NPTN: variants seen among roughly 807,000 people sequenced by gnomAD.
The protein encoded by NPTN is neuroplastin.
NPTN carries 5 observed loss-of-function variants against 42.7 expected under a neutral mutation model. The observed-to-expected ratio is 0.12, with a 90% CI of 0.06 to 0.25. The LOEUF (loss-of-function observed/expected upper bound fraction) is 0.25. Ranked by LOEUF, NPTN falls within the 10% of genes least tolerant of loss-of-function variation. The pLI is 1.00. For synonymous variants in NPTN, 180 were observed against 201.9 expected (o/e 0.89, Z 0.92); for missense variants, 307 against 525.4 (o/e 0.58, Z 4.06).
intron 6 of NPTN, chr15:73,563,663 T>A: frequency 1.5e-6 from 1 of 668,352 alleles, no homozygotes; most frequent in Non-Finnish European, 1.9e-6. Flanking sequence ...TGCATGCAGT[T>A]TTGGCTCAAT....
intron 4 of NPTN, among the ~76,000 whole-genome samples, chr15:73,575,170 A>G (rs1289952736): frequency 6.6e-6 from 1 of 152,112 alleles, no homozygotes; most frequent in Non-Finnish European, 1.5e-5. Context: ...TTTAGGAGAG[A>G]TGGGGTTTCA....
chr15:73,596,953 G>T (rs1896861882), intron 2 of NPTN, 69 bp downstream of exon 2: 1 of 1,268,600 alleles, frequency 7.9e-7, no homozygotes, highest in Non-Finnish European at 1.1e-6. Flanking sequence ...GGGAAAGGAT[G>T]CAGAAGGGAA....
In NPTN at chr15:73,633,272, AAGGGAGGGGAGGG is replaced by A; in HGVS notation, c.-70_-58del. The A allele has an allele frequency of 1.2e-6, 1 of 862,838 alleles. No homozygotes were observed. Among genetic ancestry groups the A allele is most frequent in the South Asian group, 1.8e-5 (1 of 55,220 alleles). 53.4% of individuals were successfully genotyped at this position (862,838 alleles called of 1,614,324 possible). On this transcript the variant is annotated 5_prime_UTR_variant, in exon 1 of 9. Coordinates refer to ENST00000345330, the MANE Select transcript of NPTN (RefSeq NM_012428.4). The stretch of plus-strand genomic sequence containing the variant: ...GCCGGGGCCAGAGCCGGGGCCGGGG[AAGGGAGGGGAGGG>A]AGGGAGGGGGCGGGCGAGTGCGCGA...
intron 4 of NPTN, among the ~76,000 whole-genome samples, chr15:73,586,919 A>G (rs1421936437): frequency 6.6e-6 from 1 of 152,214 alleles, no homozygotes; most frequent in Non-Finnish European, 1.5e-5. Flanking sequence ...ATAACTTAGG[A>G]AAGCTGAAAT....
chr15:73,567,388 T>C (rs1895090793), intron 6 of NPTN: 1 of 985,310 alleles, frequency 1.0e-6, no homozygotes, highest in African/African-American at 1.7e-5. Flanking sequence ...GGTTATCTGA[T>C]AGGTAAACAC....
rs1397419867 is a variant in NPTN at position 73,597,652 on chromosome 15, A to AT, written c.92-284dup. ...GGCAGAAGCAAGCCCACTGGAAAGCATTTTAGCAATGGGCCCAGCTGGTAG... is the reference window on the plus strand; with the variant it reads ...GGCAGAAGCAAGCCCACTGGAAAGCATTTTTAGCAATGGGCCCAGCTGGTAG... On this transcript the variant is annotated intron_variant, in intron 1 of 8. Coordinates refer to ENST00000345330, the MANE Select transcript of NPTN (RefSeq NM_012428.4). The surrounding 1 kb of genome is among the most constrained non-coding windows in gnomAD (Gnocchi z 6.3). Among the ~76,000 whole-genome samples the AT allele has an allele frequency of 1.3e-5, 2 of 152,224 alleles. No homozygotes were observed. Among genetic ancestry groups the AT allele is most frequent in the African/African-American group, 4.8e-5 (2 of 41,464 alleles).
chr15:73,608,942 T>C (rs1897419037), intron 1 of NPTN, among the ~76,000 whole-genome samples: 1 of 152,042 alleles, frequency 6.6e-6, no homozygotes, highest in African/African-American at 2.4e-5. Flanking sequence ...AAAATAAGGA[T>C]CTGATATGCA....
intron 1 of NPTN, among the ~76,000 whole-genome samples, chr15:73,606,747 C>T (rs958532263): frequency 5.3e-5 from 8 of 152,182 alleles, no homozygotes; most frequent in Admixed American, 2.0e-4. Context: ...CTCCAGTTAG[C>T]ATTAAAGCCA....
rs774304183 is a variant in NPTN, at chr15:73,578,511, G to A, written c.707-4716C>T. Among the ~76,000 whole-genome samples, 11 of 152,322 alleles carry A rather than the reference G, an allele frequency of 7.2e-5. No homozygotes were observed. In the South Asian group the frequency reaches 1.5e-3, roughly 20 times the overall value. Reference sequence around the variant, plus strand: ...GAGTCAAGGATGACACCAAGGTTTTGGCCTGTGTAACTGTGAGAATGGAGT... The same window carrying A: ...GAGTCAAGGATGACACCAAGGTTTTAGCCTGTGTAACTGTGAGAATGGAGT... On this transcript the variant is annotated intron_variant, in intron 4 of 8. Coordinates refer to ENST00000345330, the MANE Select transcript of NPTN (RefSeq NM_012428.4).
intron 1 of NPTN, among the ~76,000 whole-genome samples, chr15:73,609,939 G>A (rs1045307697): frequency 1.4e-4 from 22 of 152,098 alleles, no homozygotes; most frequent in African/African-American, 5.3e-4. Context: ...ATGAAAGTAT[G>A]TATTACTGTT....
At chr15:73,589,232 C>T (rs1161789330) in intron 3 of NPTN, among the ~76,000 whole-genome samples, 3 of 151,732 alleles carry the variant, frequency 2.0e-5, no homozygotes, top group Admixed American at 6.6e-5. Flanking sequence ...CGGGAGGCTA[C>T]GAGGTGGGAG....
rs772863762 is a variant in NPTN at position 73,597,029 on chromosome 15, G to A, written c.432C>T (p.Val144=). The A allele has an allele frequency of 1.4e-5, 23 of 1,613,514 alleles. No individual in the cohort carries two copies. Among genetic ancestry groups the A allele is most frequent in the Non-Finnish European group, 1.9e-5 (23 of 1,179,730 alleles). Residue 144 remains valine (V), a synonymous_variant, in exon 2 of 9, where the codon GTC becomes GTT. Transcript: ENST00000345330. The surrounding 1 kb of genome is among the most constrained non-coding windows in gnomAD (Gnocchi z 6.3). ...GTAGGGTGCTGGACTCACTCTGAAGGACGCTTATGGTGGCCTGGGCTCGAA... is the reference window on the plus strand; with the variant it reads ...GTAGGGTGCTGGACTCACTCTGAAGAACGCTTATGGTGGCCTGGGCTCGAA... ...TWIRAQATIS[V]LQKPRIVTSE... is the part of the protein sequence containing the mutation.
rs114704482 is a variant in NPTN, at chr15:73,579,441, A to T, written c.707-5646T>A. Among the ~76,000 whole-genome samples, 776 of 151,786 alleles carry T rather than the reference A, an allele frequency of 5.1e-3. 7 individuals are homozygous for T. The highest frequency in any genetic ancestry group is 0.018 in the African/African-American group (760 of 41,344). Reference sequence around the variant, plus strand: ...CTCCTTTGACCCAAAGAAGACACCCACTTTGGGCCAGTTATTGGCAATAGT... The same window carrying T: ...CTCCTTTGACCCAAAGAAGACACCCTCTTTGGGCCAGTTATTGGCAATAGT... On this transcript the variant is annotated intron_variant, in intron 4 of 8. Transcript: ENST00000345330.
At chr15:73,631,930 C>G (rs1898766513) in intron 1 of NPTN, among the ~76,000 whole-genome samples, 1 of 152,180 alleles carries the variant, frequency 6.6e-6, no homozygotes, top group African/African-American at 2.4e-5. Context: ...AAAGGAGCTT[C>G]AATTCAAAAC....
intron 1 of NPTN, among the ~76,000 whole-genome samples, chr15:73,630,571 CT>C (rs1898683920): frequency 6.6e-6 from 1 of 152,168 alleles, no homozygotes; most frequent in African/African-American, 2.4e-5. Flanking sequence ...TTCAAGAGAC[CT>C]TGAGAGTCAT....
rs532354040 is a variant in NPTN at position 73,595,054 on chromosome 15, A to T, written c.439+1968T>A. Reference sequence around the variant, plus strand: ...TGATGGGGAAGTCTGAAGAGAGTCTAGCCAGGATTTGGATTTGATTCAACC... The same window carrying T: ...TGATGGGGAAGTCTGAAGAGAGTCTTGCCAGGATTTGGATTTGATTCAACC... On this transcript the variant is annotated intron_variant, in intron 2 of 8. Coordinates refer to ENST00000345330, the MANE Select transcript of NPTN (RefSeq NM_012428.4). Among the ~76,000 whole-genome samples, 25 of 152,268 alleles carry T rather than the reference A, an allele frequency of 1.6e-4. 1 individual carries two copies. In the East Asian group the frequency reaches 4.8e-3, roughly 29 times the overall value.
rs151050672 is a variant in NPTN, at chr15:73,566,299, G to T, written c.1115-3042C>A. On this transcript the variant is annotated intron_variant, in intron 6 of 8. Transcript: ENST00000345330. ...CCAACGAATAGATTTTGGAACATTAGAACAGCTCTTCATTCTAAAGTGTCT... is the reference window on the plus strand; with the variant it reads ...CCAACGAATAGATTTTGGAACATTATAACAGCTCTTCATTCTAAAGTGTCT... Among the ~76,000 whole-genome samples the T allele has an allele frequency of 4.6e-3, 702 of 152,276 alleles. 1 individual carries two copies. The highest frequency in any genetic ancestry group is 9.2e-3 in the Admixed American group (140 of 15,296).
chr15:73,597,408 T>TAA lies in NPTN; in HGVS notation c.92-40_92-39insTT. 1 of 1,315,776 alleles carries TAA rather than the reference T, an allele frequency of 7.6e-7. No homozygotes were observed. Among genetic ancestry groups the TAA allele is most frequent in the Non-Finnish European group, 1.0e-6 (1 of 974,840 alleles). The allele number at this position is 1,315,776 out of a possible 1,614,324, so 81.5% of individuals were successfully genotyped here. A position where few individuals can be genotyped will look rare whatever the true frequency, so the allele number is the denominator to read the frequency against. ...GAGCAGGAATGCAGTGACAGGCCAA[T>TAA]CAGAAAAAAAAAAAAGAATCAACAG... On this transcript the variant is annotated intron_variant, in intron 1 of 8. Coordinates refer to ENST00000345330, the MANE Select transcript of NPTN (RefSeq NM_012428.4). The surrounding 1 kb of genome is among the most constrained non-coding windows in gnomAD (Gnocchi z 6.3).
At chr15:73,594,904 C>T (rs139508828) in intron 2 of NPTN, among the ~76,000 whole-genome samples, 127 of 149,016 alleles carry the variant, frequency 8.5e-4, no homozygotes, top group East Asian at 3.3e-3. Context: ...TCTTTTGGGA[C>T]GCTGAGATCA....
Sources: gnomAD v4.1 joint callset for allele counts (sites outside exome capture counted in the v4.1 genomes callset) on GRCh38, gnomAD v4.1.1 for gene constraint, Gnocchi (gnomAD v3.1) non-coding constraint, MANE v1.5 for transcripts, NCBI Gene and HGNC (gene_info 2026-07-23, HGNC 2026-07-21) for gene names.